Variants in HTR1F observed in about 807,000 individuals in gnomAD.
HTR1F encodes the protein 5-hydroxytryptamine (serotonin) receptor 1F, G protein-coupled.
A neutral mutation model predicts 24.0 loss-of-function variants in HTR1F; 17 were observed. The ratio of observed to expected loss-of-function variants is 0.71; its 90% CI spans 0.48 to 1.06. HTR1F has a LOEUF of 1.06. HTR1F is among the 50% of genes least tolerant of loss of function. The probability of loss-of-function intolerance (pLI) is 0.00; values close to 1 mark genes in which losing one functional copy is unlikely to be tolerated. For missense variants in HTR1F, 391 were observed against 427.8 expected (o/e 0.91, Z 0.76); for synonymous variants, 186 against 156.8 (o/e 1.19, Z -1.39).
chr3:87,887,187 C>A (rs1705968835), intron 2 of HTR1F, among the ~76,000 whole-genome samples: 1 of 152,268 alleles, frequency 6.6e-6, no homozygotes, highest in South Asian at 2.1e-4. Flanking sequence ...CTACAACCAT[C>A]TGGCCTTTGA....
intron 2 of HTR1F, among the ~76,000 whole-genome samples, chr3:87,903,795 A>G (rs1192203542): frequency 6.6e-6 from 1 of 152,224 alleles, no homozygotes; most frequent in Non-Finnish European, 1.5e-5. Flanking sequence ...AAAGGAATAT[A>G]AATCATGCTG....
At chr3:87,944,743 A>G (rs1704654067) in intron 2 of HTR1F, among the ~76,000 whole-genome samples, 1 of 152,234 alleles carries the variant, frequency 6.6e-6, no homozygotes, top group South Asian at 2.1e-4. Context: ...GCTCACAATG[A>G]GGTTTCCTCT....
chr3:87,967,100 T>G (rs1705181128), intron 2 of HTR1F, among the ~76,000 whole-genome samples: 1 of 152,164 alleles, frequency 6.6e-6, no homozygotes. Context: ...AAATAGAAAT[T>G]GGTTGAATGA....
intron 2 of HTR1F, among the ~76,000 whole-genome samples, 117 bp downstream of exon 2, chr3:87,822,241 A>G (rs1026235691): frequency 1.3e-5 from 2 of 152,188 alleles, no homozygotes; most frequent in Non-Finnish European, 2.9e-5. Flanking sequence ...GAAAGTCCAT[A>G]TGACTCCTGC....
intron 2 of HTR1F, among the ~76,000 whole-genome samples, chr3:87,927,744 T>G (rs1209418823): frequency 6.6e-6 from 1 of 152,154 alleles, no homozygotes; most frequent in Non-Finnish European, 1.5e-5. Flanking sequence ...AACACATACT[T>G]TTTCATGCCT....
chr3:87,925,724 C>T (rs1026085282), intron 2 of HTR1F, among the ~76,000 whole-genome samples: 2 of 152,044 alleles, frequency 1.3e-5, no homozygotes, highest in African/African-American at 4.8e-5. Context: ...TGGCTCAGGG[C>T]CTGCATGGAG....
At chr3:87,873,095 TACACACAC>T (rs61407734) in intron 2 of HTR1F, among the ~76,000 whole-genome samples, 23 of 135,132 alleles carry the variant, frequency 1.7e-4, no homozygotes, top group East Asian at 1.1e-3. Context: ...CATGCATACA[TACACACAC>T]ACACACACAC....
At chr3:87,816,687 C>T (rs1038615791) in intron 1 of HTR1F, among the ~76,000 whole-genome samples, 20 of 152,058 alleles carry the variant, frequency 1.3e-4, no homozygotes, top group African/African-American at 4.8e-4. Flanking sequence ...TAGTTTATGT[C>T]TAAAAAATAT....
At chr3:87,967,952 G>A (rs543765384) in intron 2 of HTR1F, among the ~76,000 whole-genome samples, 23 of 152,288 alleles carry the variant, frequency 1.5e-4, no homozygotes, top group African/African-American at 5.3e-4. Context: ...AGTTTGGAGG[G>A]CTCAGAAGAC....
rs549063378 is a variant in HTR1F, at chr3:87,904,938, T to C, written c.-43+82814T>C. 5.3e-4 allele frequency among the ~76,000 whole-genome samples: 80 copies of C among 152,212 alleles called. 1 individual carries two copies. Among genetic ancestry groups the C allele is most frequent in the African/African-American group, 1.8e-3 (74 of 41,536 alleles). On this transcript the variant is annotated intron_variant, in intron 2 of 2. Transcript: ENST00000319595. The stretch of plus-strand genomic sequence containing the variant: ...ATCTGAGGGGTGGTTTATAATATCT[T>C]TCCTTTATAAAAATTCACAAAAGCT...
intron 1 of HTR1F, among the ~76,000 whole-genome samples, chr3:87,793,808 TA>T (rs1703856938): frequency 6.6e-6 from 1 of 152,176 alleles, no homozygotes; most frequent in African/African-American, 2.4e-5. Context: ...TCCTGCATGT[TA>T]ATTACTTCCC....
At chr3:87,923,337 G>T (rs779278154) in intron 2 of HTR1F, among the ~76,000 whole-genome samples, 3 of 151,874 alleles carry the variant, frequency 2.0e-5, no homozygotes, top group Non-Finnish European at 4.4e-5. Flanking sequence ...CATTGAATCT[G>T]CAGGTCTCTT....
chr3:87,930,803 G>A (rs1439976338), intron 2 of HTR1F, among the ~76,000 whole-genome samples: 1 of 151,968 alleles, frequency 6.6e-6, no homozygotes, highest in African/African-American at 2.4e-5. Context: ...ATACATATGA[G>A]CTACTACTAC....
At chr3:87,894,312 G>A (rs1309573705) in intron 2 of HTR1F, among the ~76,000 whole-genome samples, 2 of 150,160 alleles carry the variant, frequency 1.3e-5, no homozygotes, top group South Asian at 2.1e-4. Flanking sequence ...GCTGGAGTGC[G>A]GTGGCACGAT....
chr3:87,983,618 G>A (rs1172084975), intron 2 of HTR1F, among the ~76,000 whole-genome samples: 1 of 152,142 alleles, frequency 6.6e-6, no homozygotes, highest in East Asian at 1.9e-4. Flanking sequence ...TCTCTGGCCT[G>A]CTGTTTTATG....
chr3:87,838,298 A>G (rs1704724810), intron 2 of HTR1F, among the ~76,000 whole-genome samples: 1 of 152,068 alleles, frequency 6.6e-6, no homozygotes, highest in Non-Finnish European at 1.5e-5. Flanking sequence ...CAGTGTCAGA[A>G]TAAACATTTT....
At chr3:87,889,636 G>A (rs1706035318) in intron 2 of HTR1F, among the ~76,000 whole-genome samples, 1 of 152,056 alleles carries the variant, frequency 6.6e-6, no homozygotes, top group Non-Finnish European at 1.5e-5. Flanking sequence ...TGAAAACAAG[G>A]CCGTCTTGCC....
intron 2 of HTR1F, among the ~76,000 whole-genome samples, chr3:87,914,325 G>A (rs1369963072): frequency 6.6e-6 from 1 of 152,154 alleles, no homozygotes; most frequent in Non-Finnish European, 1.5e-5. Context: ...GTAACAATTT[G>A]AACTGATCGA....
intron 2 of HTR1F, among the ~76,000 whole-genome samples, chr3:87,971,924 T>A (rs1190835149): frequency 1.3e-5 from 2 of 152,220 alleles, no homozygotes; most frequent in East Asian, 3.8e-4. Context: ...CATGCAAATA[T>A]ACTTATAGGG....
Sources: allele counts gnomAD v4.1 joint callset (sites outside exome capture counted in the v4.1 genomes callset), GRCh38; gene constraint gnomAD v4.1.1; transcripts MANE v1.5; gene names NCBI Gene and HGNC (gene_info 2026-07-23, HGNC 2026-07-21).